The following ARHGAP6 variants were observed in gnomAD, a reference collection of about 807,000 sequenced individuals.
ARHGAP6 encodes Rho GTPase activating protein 6, also known as rho GTPase-activating protein 6.
ARHGAP6 carries 16 observed loss-of-function variants against 55.7 expected under a neutral mutation model. The observed-to-expected ratio is 0.29, with a 90% CI of 0.19 to 0.44. The LOEUF (loss-of-function observed/expected upper bound fraction) is 0.44, where lower values mean the gene tolerates loss of function less well. ARHGAP6 is among the 20% of genes least tolerant of loss of function. The pLI is 1.00. For synonymous variants in ARHGAP6, 382 were observed against 360.9 expected (o/e 1.06, Z -0.66); for missense variants, 698 against 808.9 (o/e 0.86, Z 1.66).
Position 11,364,359 on chromosome X carries a change from T to TA in ARHGAP6, c.589-109653dup, listed in dbSNP as rs374839765. Reference sequence around the variant, plus strand: ...CATGTACCTTTGAAACTAAAAATGTTAAAAAAAAAAAAAAAGAAATTACTT... The same window carrying TA: ...CATGTACCTTTGAAACTAAAAATGTTAAAAAAAAAAAAAAAAGAAATTACTT... On this transcript the variant is annotated intron_variant, in intron 1 of 12. Transcript: ENST00000337414. Among the ~76,000 whole-genome samples, 689 of 93,816 alleles carry TA rather than the reference T, an allele frequency of 7.3e-3. 4 individuals carry two copies. Among genetic ancestry groups the TA allele is most frequent in the African/African-American group, 0.016 (425 of 25,878 alleles). 81.5% of individuals were successfully genotyped at this position (93,816 alleles called of 115,157 possible).
intron 1 of ARHGAP6, among the ~76,000 whole-genome samples, chrX:11,388,022 A>G (rs1164376607): frequency 1.8e-5 from 2 of 112,009 alleles, no homozygotes; most frequent in African/African-American, 6.5e-5. Flanking sequence ...ATACGTGTGC[A>G]TGTGTCTTTA....
In ARHGAP6 at chrX:11,665,557, G is replaced by T. The variant is rs2147214988; in HGVS notation, c.-729C>A. 1 of 113,679 alleles carries T rather than the reference G, an allele frequency of 8.8e-6. No homozygotes were observed. Among genetic ancestry groups the T allele is most frequent in the East Asian group, 2.8e-4 (1 of 3,555 alleles). 9.4% of individuals were successfully genotyped at this position (113,679 alleles called of 1,213,427 possible). A position where few individuals can be genotyped will look rare whatever the true frequency, so the allele number is the denominator to read the frequency against. On this transcript the variant is annotated 5_prime_UTR_variant, in exon 1 of 13. Coordinates refer to ENST00000337414, the MANE Select transcript of ARHGAP6 (RefSeq NM_013427.3). ...GGGGACACCGAGCGTGCTGCGCCCGGGACCTCCAAAGACTGCGTGCCCACG... is the reference window on the plus strand; with the variant it reads ...GGGGACACCGAGCGTGCTGCGCCCGTGACCTCCAAAGACTGCGTGCCCACG...
At chrX:11,465,583 G>C (rs2050284781) in intron 1 of ARHGAP6, among the ~76,000 whole-genome samples, 1 of 111,847 alleles carries the variant, frequency 8.9e-6, no homozygotes, top group Non-Finnish European at 1.9e-5. Flanking sequence ...TCTCAATTTG[G>C]ACAGTGGATT....
chrX:11,275,743 C>G (rs981811711), intron 1 of ARHGAP6, among the ~76,000 whole-genome samples: 1 of 111,683 alleles, frequency 9.0e-6, no homozygotes, highest in South Asian at 3.8e-4. Flanking sequence ...GCCTCACTTA[C>G]TTCACATCCC....
intron 2 of ARHGAP6, among the ~76,000 whole-genome samples, chrX:11,253,566 G>A (rs1384246079): frequency 9.0e-6 from 1 of 111,531 alleles, no homozygotes; most frequent in Non-Finnish European, 1.9e-5. Context: ...TTTTCATTCT[G>A]CCTCAAAGTA....
At chrX:11,417,441 G>T (rs955144264) in intron 1 of ARHGAP6, among the ~76,000 whole-genome samples, 1 of 108,972 alleles carries the variant, frequency 9.2e-6, no homozygotes, top group African/African-American at 3.4e-5. Context: ...GTCTGTACAG[G>T]TAATAAAATT....
chrX:11,521,728 T>A (rs1028707312), intron 1 of ARHGAP6, among the ~76,000 whole-genome samples: 8 of 110,998 alleles, frequency 7.2e-5, no homozygotes, highest in Non-Finnish European at 7.5e-5. Flanking sequence ...GATGGCACTG[T>A]ATCTATAAAT....
intron 2 of ARHGAP6, among the ~76,000 whole-genome samples, chrX:11,239,343 G>T (rs2047244603): frequency 9.0e-6 from 1 of 111,692 alleles, no homozygotes; most frequent in Admixed American, 9.5e-5. Flanking sequence ...AGAAAATGGA[G>T]GCCTGTATTG....
At chrX:11,403,667 G>T (rs947786604) in intron 1 of ARHGAP6, among the ~76,000 whole-genome samples, 3 of 112,214 alleles carry the variant, frequency 2.7e-5, no homozygotes, top group Non-Finnish European at 3.8e-5. Context: ...TTTATGCTGA[G>T]CTCAAAGGAA....
At chrX:11,521,699 G>T (rs7298208) in intron 1 of ARHGAP6, among the ~76,000 whole-genome samples, 11,318 of 110,392 alleles carry the variant, frequency 0.1, 808 homozygotes, top group African/African-American at 0.23. Flanking sequence ...GTGAAGAAAG[G>T]CATTGGTAGC....
intron 1 of ARHGAP6, among the ~76,000 whole-genome samples, chrX:11,501,615 T>C (rs1468585338): frequency 1.8e-5 from 2 of 112,032 alleles, no homozygotes; most frequent in African/African-American, 6.5e-5. Context: ...TTACTTTTAA[T>C]GGCCTGCTAT....
At chrX:11,501,314 A>G (rs1232323502) in intron 1 of ARHGAP6, among the ~76,000 whole-genome samples, 1 of 111,432 alleles carries the variant, frequency 9.0e-6, no homozygotes, top group Non-Finnish European at 1.9e-5. Context: ...CCTGGGTGTG[A>G]TGGTGCACAC....
chrX:11,513,306 C>G (rs960168785), intron 1 of ARHGAP6, among the ~76,000 whole-genome samples: 1 of 111,939 alleles, frequency 8.9e-6, no homozygotes, highest in Non-Finnish European at 1.9e-5. Flanking sequence ...AAAAAACCCA[C>G]AAGATTTTGT....
At chrX:11,252,864 T>C (rs1330403762) in intron 2 of ARHGAP6, among the ~76,000 whole-genome samples, 1 of 112,095 alleles carries the variant, frequency 8.9e-6, no homozygotes, top group Non-Finnish European at 1.9e-5. Context: ...TCAGTGTTTT[T>C]GTGCTACTCT....
chrX:11,308,464 G>A (rs1260936617), intron 1 of ARHGAP6, among the ~76,000 whole-genome samples: 1 of 111,615 alleles, frequency 9.0e-6, no homozygotes, highest in Non-Finnish European at 1.9e-5. Flanking sequence ...TGCATGGAGT[G>A]GCCACAGGAC....
intron 3 of ARHGAP6, among the ~76,000 whole-genome samples, chrX:11,191,215 A>C (rs1344087137): frequency 8.9e-6 from 1 of 112,410 alleles, no homozygotes; most frequent in Non-Finnish European, 1.9e-5. Context: ...AGGTGCTCGC[A>C]TTCAGCGTGG....
chrX:11,371,921 T>A (rs1008691937), intron 1 of ARHGAP6, among the ~76,000 whole-genome samples: 1 of 112,466 alleles, frequency 8.9e-6, no homozygotes, highest in Non-Finnish European at 1.9e-5. Context: ...ATTTAATGTA[T>A]CTCATAAGCT....
chrX:11,261,548 T>C (rs113528108), intron 1 of ARHGAP6, among the ~76,000 whole-genome samples: 3,067 of 111,780 alleles, frequency 0.027, 36 homozygotes, highest in Middle Eastern at 0.079. Flanking sequence ...GTGATCATCA[T>C]GGAATTTTTT....
intron 1 of ARHGAP6, among the ~76,000 whole-genome samples, chrX:11,644,446 G>A (rs145281885): frequency 5.4e-4 from 60 of 111,003 alleles, no homozygotes; most frequent in African/African-American, 1.9e-3. Context: ...CCTTCATTAT[G>A]TTCTTACCTA....
Sources: gnomAD v4.1 joint callset for allele counts (sites outside exome capture counted in the v4.1 genomes callset) on GRCh38, gnomAD v4.1.1 for gene constraint, MANE v1.5 for transcripts, NCBI Gene and HGNC (gene_info 2026-07-23, HGNC 2026-07-21) for gene names.